BSN: variants seen among roughly 807,000 people sequenced by gnomAD.
The protein encoded by BSN is protein bassoon.
A neutral mutation model predicts 264.8 loss-of-function variants in BSN; 57 were observed. The ratio of observed to expected loss-of-function variants is 0.22; its 90% CI spans 0.17 to 0.27. The LOEUF is 0.27. Ranked by LOEUF, BSN falls within the 10% of genes least tolerant of loss-of-function variation. The probability of loss-of-function intolerance (pLI) is 1.00; values close to 1 mark genes in which losing one functional copy is unlikely to be tolerated. For missense variants in BSN, 4,615 were observed against 5,232.5 expected (o/e 0.88, Z 3.64); for synonymous variants, 2,059 against 2,137.3 (o/e 0.96, Z 1.01).
At chr3:49,609,364 A>G (rs1490025822) in intron 1 of BSN, among the ~76,000 whole-genome samples, 1 of 151,826 alleles carries the variant, frequency 6.6e-6, no homozygotes, top group East Asian at 1.9e-4. Flanking sequence ...CAGCCTCCCA[A>G]AGTGCTGGGA....
chr3:49,665,717 C>T (rs998953054), intron 11 of BSN, among the ~76,000 whole-genome samples: 1 of 152,254 alleles, frequency 6.6e-6, no homozygotes, highest in Admixed American at 6.5e-5. Flanking sequence ...CCAAACCCCA[C>T]AGAGTCACAT....
At chr3:49,559,657 T>C (rs1442539598) in intron 1 of BSN, among the ~76,000 whole-genome samples, 2 of 152,364 alleles carry the variant, frequency 1.3e-5, no homozygotes, top group Middle Eastern at 3.4e-3. Flanking sequence ...CTAGTTTCTT[T>C]ATGTATTTTC....
chr3:49,568,394 CAA>C (rs1247527395), intron 1 of BSN, among the ~76,000 whole-genome samples: 1 of 152,124 alleles, frequency 6.6e-6, no homozygotes. Context: ...CCAAATAAAA[CAA>C]GATATATTGA....
At chr3:49,616,572 A>C (rs981927172) in intron 1 of BSN, among the ~76,000 whole-genome samples, 1 of 152,132 alleles carries the variant, frequency 6.6e-6, no homozygotes, top group Non-Finnish European at 1.5e-5. Context: ...CAAATCCTCA[A>C]CTGAAGGCGG....
chr3:49,606,267 A>AATATATATTAAAAATATATATT (rs1379175165), intron 1 of BSN, among the ~76,000 whole-genome samples: 2 of 7,586 alleles, frequency 2.6e-4, no homozygotes, highest in East Asian at 0.017. Context: ...AAATATATAT[A>AATATATATTAAAAATATATATT]ATATATATTA....
At chr3:49,664,990 G>A (rs1211958172) in intron 10 of BSN, 137 bp downstream of exon 10, 2 of 688,768 alleles carry the variant, frequency 2.9e-6, no homozygotes, top group Non-Finnish European at 5.1e-6. Flanking sequence ...GAGCTGCAAT[G>A]TTCCCTTCTC....
At chr3:49,614,178 G>A (rs2052238889) in intron 1 of BSN, among the ~76,000 whole-genome samples, 1 of 148,186 alleles carries the variant, frequency 6.7e-6, no homozygotes, top group African/African-American at 2.5e-5. Flanking sequence ...TCCTGTCTCA[G>A]CCTCCCAAGT....
chr3:49,628,255 GA>G (rs925483510), intron 2 of BSN, among the ~76,000 whole-genome samples: 5 of 104,782 alleles, frequency 4.8e-5, no homozygotes, highest in African/African-American at 1.5e-4. Flanking sequence ...TCTGGAGTGT[GA>G]TTGAACAGTT....
At chr3:49,614,281 G>C (rs2052239864) in intron 1 of BSN, among the ~76,000 whole-genome samples, 1 of 151,854 alleles carries the variant, frequency 6.6e-6, no homozygotes, top group Non-Finnish European at 1.5e-5. Flanking sequence ...GGATGGTCTT[G>C]ATCTCCTGAC....
chr3:49,569,816 C>A (rs1423655208), intron 1 of BSN, among the ~76,000 whole-genome samples: 1 of 152,168 alleles, frequency 6.6e-6, no homozygotes, highest in African/African-American at 2.4e-5. Flanking sequence ...GACTCTTTAG[C>A]CCTCACTCCT....
chr3:49,575,118 G>A (rs1466992733), intron 1 of BSN, among the ~76,000 whole-genome samples: 2 of 151,874 alleles, frequency 1.3e-5, no homozygotes, highest in African/African-American at 4.8e-5. Context: ...ATGCCAAGGC[G>A]GGCAGATCAC....
In BSN at chr3:49,585,519, G is replaced by A. The variant is rs1411601057; in HGVS notation, c.224+30693G>A. On this transcript the variant is annotated intron_variant, in intron 1 of 11. Coordinates refer to ENST00000296452, the MANE Select transcript of BSN (RefSeq NM_003458.4). This position sits in a 1 kb window ranked among gnomAD's most constrained non-coding sequence, Gnocchi z 4.7. ...TCCCAACTAGGCGGCCTTGCACTCCGTGTGCACTGGCCACACATCCTTGCC... is the reference window on the plus strand; with the variant it reads ...TCCCAACTAGGCGGCCTTGCACTCCATGTGCACTGGCCACACATCCTTGCC... Among the ~76,000 whole-genome samples the A allele has an allele frequency of 6.6e-6, 1 of 152,210 alleles. No individual in the cohort carries two copies.
intron 1 of BSN, among the ~76,000 whole-genome samples, chr3:49,575,461 AATAT>A (rs751014503): frequency 2.7e-5 from 4 of 146,888 alleles, no homozygotes; most frequent in East Asian, 2.0e-4. Flanking sequence ...TATATATGTA[AATAT>A]ATATATGTGT....
At chr3:49,567,139 A>T (rs2051758599) in intron 1 of BSN, among the ~76,000 whole-genome samples, 1 of 152,188 alleles carries the variant, frequency 6.6e-6, no homozygotes, top group Non-Finnish European at 1.5e-5. Flanking sequence ...AATAATGTAG[A>T]TATTTTTATT....
At chr3:49,599,805 G>A (rs2052057793) in intron 1 of BSN, among the ~76,000 whole-genome samples, 1 of 152,268 alleles carries the variant, frequency 6.6e-6, no homozygotes, top group East Asian at 1.9e-4. Context: ...TCAGTATAAA[G>A]CCAAATGTTC....
In BSN at chr3:49,655,016, G is replaced by A. The variant is rs759662069; in HGVS notation, c.5460G>A (p.Gln1820=). 1.6e-5 allele frequency: 26 copies of A among 1,613,144 alleles called. No homozygotes were observed. Among genetic ancestry groups the A allele is most frequent in the African/African-American group, 1.3e-4 (10 of 74,954 alleles). Residue 1820 remains glutamine (Q), a synonymous_variant, in exon 5 of 12, where the codon CAG becomes CAA. Transcript: ENST00000296452. ...CCAGAAGAGACGTTTTGATCACTCA[G>A]ATGGGCACCGCCCAGAGCATTGGCC... ...PLARRDVLIT[Q]MGTAQSIGLK... is the part of the protein sequence containing the mutation.
At chr3:49,596,642 C>T (rs967467424) in intron 1 of BSN, among the ~76,000 whole-genome samples, 117 of 152,246 alleles carry the variant, frequency 7.7e-4, no homozygotes, top group African/African-American at 2.7e-3. Context: ...AGGCATGAGG[C>T]ACCATGCCTG....
At chr3:49,637,872 C>T (rs2052430613) in intron 2 of BSN, among the ~76,000 whole-genome samples, 1 of 152,224 alleles carries the variant, frequency 6.6e-6, no homozygotes, top group Non-Finnish European at 1.5e-5. Flanking sequence ...GGTCGGGGTG[C>T]ACGGGCTTCC....
chr3:49,565,448 G>A (rs1273165145), intron 1 of BSN, among the ~76,000 whole-genome samples: 4 of 151,384 alleles, frequency 2.6e-5, no homozygotes, highest in Admixed American at 1.3e-4. Context: ...AGCCTCCGGA[G>A]TAGCTGGGAC....
Sources: gnomAD v4.1 joint callset for allele counts (sites outside exome capture counted in the v4.1 genomes callset) on GRCh38, gnomAD v4.1.1 for gene constraint, Gnocchi (gnomAD v3.1) non-coding constraint, MANE v1.5 for transcripts, NCBI Gene and HGNC (gene_info 2026-07-23, HGNC 2026-07-21) for gene names.